C13orf42: variants seen among roughly 807,000 people sequenced by gnomAD.
C13orf42 encodes the protein chromosome 13 open reading frame 42, also known as uncharacterized protein C13orf42.
intron 1 of C13orf42, among the ~76,000 whole-genome samples, chr13:51,129,574 C>T (rs536531597): frequency 2.0e-5 from 3 of 152,306 alleles, no homozygotes; most frequent in Admixed American, 6.5e-5. Context: ...CTGAGTGCCT[C>T]GCCTTCCCCA....
At chr13:51,136,537 T>C (rs1953659309) in intron 1 of C13orf42, among the ~76,000 whole-genome samples, 1 of 152,158 alleles carries the variant, frequency 6.6e-6, no homozygotes, top group Admixed American at 6.5e-5. Flanking sequence ...GCAGCCCCCA[T>C]GGGAGGGGCT....
chr13:51,150,512 T>A (rs1261661692), intron 1 of C13orf42, among the ~76,000 whole-genome samples: 1 of 152,184 alleles, frequency 6.6e-6, no homozygotes, highest in Non-Finnish European at 1.5e-5. Context: ...CCAAAACATA[T>A]ATATTCAGCC....
intron 2 of C13orf42, among the ~76,000 whole-genome samples, chr13:51,086,292 C>A (rs141360392): frequency 2.1e-5 from 3 of 140,030 alleles, no homozygotes; most frequent in Middle Eastern, 4.2e-3. Context: ...GGCGATGGAG[C>A]GAGACTCCGT....
chr13:51,109,987 T>A (rs1953408742), intron 1 of C13orf42, among the ~76,000 whole-genome samples: 1 of 152,126 alleles, frequency 6.6e-6, no homozygotes, highest in African/African-American at 2.4e-5. Flanking sequence ...AAATGCAAAT[T>A]ATTTCTTTCA....
chr13:51,139,570 A>T (rs908093094), intron 1 of C13orf42, among the ~76,000 whole-genome samples: 22 of 152,158 alleles, frequency 1.4e-4, no homozygotes, highest in African/African-American at 4.8e-4. Flanking sequence ...GGCACAAGAT[A>T]CAGGTCACAA....
At chr13:51,093,522 T>G (rs947418657) in intron 1 of C13orf42, among the ~76,000 whole-genome samples, 1 of 152,232 alleles carries the variant, frequency 6.6e-6, no homozygotes, top group Non-Finnish European at 1.5e-5. Flanking sequence ...TGGTGGCTAC[T>G]GAATTGCAAA....
intron 1 of C13orf42, among the ~76,000 whole-genome samples, chr13:51,092,050 G>T (rs761621924): frequency 6.6e-6 from 1 of 152,152 alleles, no homozygotes; most frequent in Admixed American, 6.5e-5. Context: ...CCACAGGGGC[G>T]CACTTTCCCA....
At position 51,085,542 on chromosome 13, in the gene C13orf42, C is replaced by A; in HGVS notation, c.580G>T (p.Glu194Ter). The change falls in exon 3 of 4, where the codon GAG becomes TAG. Residue 194 changes from glutamate (E) to a stop codon, truncating the protein, a stop_gained. Coordinates refer to ENST00000563710, the MANE Select transcript of C13orf42 (RefSeq NM_001351589.3). LOFTEE classifies it high-confidence loss of function. ...VDFDVATSSR[E>*]HSLHSNWILR... ...ATCCAGTTAGAATGCAAGCTGTGCT[C>A]CCTGGAGCTGGTGGCCACTAGAAGA... The A allele has an allele frequency of 2.5e-6, 1 of 398,828 alleles. No homozygotes were observed. Among genetic ancestry groups the A allele is most frequent in the South Asian group, 1.3e-4 (1 of 7,834 alleles). 24.7% of individuals were successfully genotyped at this position (398,828 alleles called of 1,614,324 possible). A position where few individuals can be genotyped will look rare whatever the true frequency, so the allele number is the denominator to read the frequency against.
At chr13:51,118,412 A>G (rs9596457) in intron 1 of C13orf42, among the ~76,000 whole-genome samples, 115,802 of 152,104 alleles carry the variant, frequency 0.76, 45,183 homozygotes, top group African/African-American at 0.94. Context: ...GCTTCCTCAC[A>G]TCTTCACCTC....
At chr13:51,085,184 A>AATATATATATATATATAT (rs57050801) in intron 3 of C13orf42, 135 bp downstream of exon 3, 10 of 190,526 alleles carry the variant, frequency 5.2e-5, no homozygotes, top group African/African-American at 2.3e-4. Flanking sequence ...AGCAACAACA[A>AATATATATATATATATAT]ATATATATAT....
In C13orf42 at chr13:51,122,652, G is replaced by GT. The variant is rs1953546425; in HGVS notation, n.137-9431dup. Among the ~76,000 whole-genome samples the GT allele has an allele frequency of 3.3e-5, 5 of 152,252 alleles. No individual in the cohort carries two copies. The South Asian group carries it at 1.0e-3, about 32-fold the overall frequency. On this transcript the variant is annotated intron_variant and non_coding_transcript_variant, in intron 1 of 4. Coordinates refer to the C13orf42 transcript ENST00000433280. ...CTTGTTATAAAGTGCTAGCTCAGCT[G>GT]TTTTGTGCTTGAATTCCTGCCCACT...
intron 1 of C13orf42, among the ~76,000 whole-genome samples, chr13:51,144,358 T>C (rs1421354523): frequency 2.0e-5 from 3 of 152,350 alleles, no homozygotes; most frequent in South Asian, 4.1e-4. Flanking sequence ...TTTTGAGCTA[T>C]TGACAGCTTT....
intron 1 of C13orf42, among the ~76,000 whole-genome samples, chr13:51,097,795 A>C (rs1057190966): frequency 6.6e-6 from 1 of 151,932 alleles, no homozygotes. Context: ...TGGAAATGCC[A>C]AATGTAATGC....
At chr13:51,110,192 G>A (rs73485844) in intron 1 of C13orf42, among the ~76,000 whole-genome samples, 16,860 of 152,160 alleles carry the variant, frequency 0.11, 1,303 homozygotes, top group African/African-American at 0.21. Context: ...ATCTAGTCAT[G>A]TGATGATTTC....
chr13:51,093,790 G>A (rs1338084874), intron 1 of C13orf42, among the ~76,000 whole-genome samples: 5 of 152,098 alleles, frequency 3.3e-5, no homozygotes, highest in African/African-American at 7.2e-5. Context: ...TGCTTTTCCA[G>A]TTCTTCAACC....
At chr13:51,146,373 C>G (rs756654969) in intron 1 of C13orf42, among the ~76,000 whole-genome samples, 63 of 152,210 alleles carry the variant, frequency 4.1e-4, no homozygotes, top group Middle Eastern at 3.4e-3. Context: ...CCTGTTGTGT[C>G]CCCTGAAATG....
intron 1 of C13orf42, among the ~76,000 whole-genome samples, chr13:51,118,928 C>T (rs1403992658): frequency 6.6e-6 from 1 of 151,906 alleles, no homozygotes; most frequent in Non-Finnish European, 1.5e-5. Context: ...ACTGTGTGCC[C>T]AAGTGTATGG....
chr13:51,169,171 G>A (rs1195523827), intron 1 of C13orf42, among the ~76,000 whole-genome samples: 4 of 152,194 alleles, frequency 2.6e-5, no homozygotes, highest in Non-Finnish European at 4.4e-5. Flanking sequence ...AGTTTAGAGG[G>A]CTCAGAAGAA....
intron 1 of C13orf42, among the ~76,000 whole-genome samples, chr13:51,104,302 C>A (rs1055586704): frequency 7.2e-5 from 11 of 152,126 alleles, no homozygotes; most frequent in Middle Eastern, 3.4e-3. Context: ...GTGAAAGACC[C>A]TGGTTATTAT....
Sources: allele counts gnomAD v4.1 joint callset (sites outside exome capture counted in the v4.1 genomes callset), GRCh38; gene constraint gnomAD v4.1.1; transcripts MANE v1.5; gene names NCBI Gene and HGNC (gene_info 2026-07-23, HGNC 2026-07-21).